The following PRKN variants were observed in gnomAD, a reference collection of about 807,000 sequenced individuals.
PRKN encodes parkin RBR E3 ubiquitin protein ligase.
In PRKN, 56 loss-of-function variants were observed where a neutral mutation model predicts 59.5. The ratio of observed to expected loss-of-function variants is 0.94; its 90% CI spans 0.76 to 1.18. The LOEUF (loss-of-function observed/expected upper bound fraction) is 1.18. Ranked by LOEUF, PRKN falls within the 50% of genes most tolerant of loss-of-function variation. PRKN has a pLI of 0.00. For missense variants in PRKN, 657 were observed against 596.4 expected, an observed-to-expected ratio of 1.10 and a Z score of -1.06; for synonymous variants, 250 against 222.1, an observed-to-expected ratio of 1.13 and a Z score of -1.12.
chr6:161,556,358 A>G (rs1483377675), intron 8 of PRKN, among the ~76,000 whole-genome samples: 3 of 152,344 alleles, frequency 2.0e-5, no homozygotes, highest in African/African-American at 7.2e-5. Context: ...CAAAATTAAC[A>G]TTGTGATATT....
At chr6:162,138,665 A>G (rs924422872) in intron 4 of PRKN, among the ~76,000 whole-genome samples, 3 of 152,214 alleles carry the variant, frequency 2.0e-5, no homozygotes, top group Non-Finnish European at 4.4e-5. Flanking sequence ...AAGTAGAGGG[A>G]AAGAGGATCA....
At position 162,266,764 on chromosome 6, in the gene PRKN, C is replaced by T. The variant is rs367562826; in HGVS notation, c.172-3999G>A. ...AAGGAAATGTAAAGAGCTCAGATCC[C>T]GATCCGCAATGATACATCGTTGGTA... is the stretch of plus-strand genomic sequence containing the variant. On this transcript the variant is annotated intron_variant, in intron 2 of 11. Transcript: ENST00000366898. 7.0e-4 allele frequency among the ~76,000 whole-genome samples: 106 copies of T among 152,184 alleles called. 2 individuals are homozygous for T. In the South Asian group the frequency reaches 0.02, roughly 28 times the overall value.
At chr6:162,047,416 T>C (rs1489228907) in intron 5 of PRKN, among the ~76,000 whole-genome samples, 1 of 152,206 alleles carries the variant, frequency 6.6e-6, no homozygotes, top group Admixed American at 6.5e-5. Flanking sequence ...CACAAGAATA[T>C]GGAGCCCACG....
intron 1 of PRKN, among the ~76,000 whole-genome samples, chr6:162,450,333 CT>C (rs1458701244): frequency 1.5e-4 from 15 of 98,598 alleles, no homozygotes; most frequent in Admixed American, 1.1e-3. Flanking sequence ...GTAAACGCCC[CT>C]GTGATTGTAA....
chr6:162,201,533 G>T (rs149608240), intron 3 of PRKN, among the ~76,000 whole-genome samples: 290 of 152,250 alleles, frequency 1.9e-3, no homozygotes, highest in African/African-American at 6.5e-3. Flanking sequence ...AAGTGTATCT[G>T]CAACACAGTA....
chr6:162,218,621 A>C (rs529255994), intron 3 of PRKN, among the ~76,000 whole-genome samples: 5 of 152,284 alleles, frequency 3.3e-5, no homozygotes, highest in African/African-American at 1.2e-4. Context: ...CCATTCATTA[A>C]AAGATTCATG....
chr6:162,313,613 A>G (rs770699141), intron 2 of PRKN, among the ~76,000 whole-genome samples: 34 of 151,976 alleles, frequency 2.2e-4, no homozygotes, highest in Non-Finnish European at 1.3e-4. Flanking sequence ...TCAGCCTCCC[A>G]AGTAGCTGGG....
At chr6:161,633,997 AAC>A (rs141101298) in intron 7 of PRKN, among the ~76,000 whole-genome samples, 10,068 of 141,974 alleles carry the variant, frequency 0.071, 383 homozygotes, top group African/African-American at 0.11. Flanking sequence ...GGAAAACTTA[AAC>A]ACACACACAC....
chr6:161,682,979 G>A (rs1410158839), intron 7 of PRKN, among the ~76,000 whole-genome samples: 1 of 152,202 alleles, frequency 6.6e-6, no homozygotes, highest in African/African-American at 2.4e-5. Flanking sequence ...AGATACAGGT[G>A]TTTTCTGCCT....
chr6:161,992,155 A>G (rs1171940340), intron 5 of PRKN, among the ~76,000 whole-genome samples: 1 of 152,154 alleles, frequency 6.6e-6, no homozygotes, highest in Non-Finnish European at 1.5e-5. Context: ...CCTGGCCAAC[A>G]TGGTGAAACC....
intron 10 of PRKN, among the ~76,000 whole-genome samples, chr6:161,368,441 G>C (rs2114886671): frequency 7.2e-6 from 1 of 139,626 alleles, no homozygotes; most frequent in South Asian, 2.3e-4. Context: ...TATAGTCCCA[G>C]CTACTCAGGA....
At chr6:162,268,684 CA>C (rs1197858693) in intron 2 of PRKN, among the ~76,000 whole-genome samples, 3 of 152,118 alleles carry the variant, frequency 2.0e-5, no homozygotes, top group African/African-American at 7.2e-5. Context: ...ACGATGGGTT[CA>C]ACAACACCCA....
intron 1 of PRKN, among the ~76,000 whole-genome samples, chr6:162,536,552 C>G (rs955457452): frequency 2.0e-5 from 3 of 152,000 alleles, no homozygotes; most frequent in African/African-American, 4.8e-5. Context: ...CCCTGCTTGT[C>G]TGTAGGGATT....
intron 4 of PRKN, among the ~76,000 whole-genome samples, chr6:162,160,085 G>A (rs1019285583): frequency 2.0e-5 from 3 of 152,144 alleles, no homozygotes; most frequent in Non-Finnish European, 4.4e-5. Context: ...CTCTTTGAAA[G>A]ACATGTTTAG....
chr6:162,318,293 A>G (rs9458520), intron 2 of PRKN, among the ~76,000 whole-genome samples: 56,297 of 151,988 alleles, frequency 0.37, 12,123 homozygotes, highest in Non-Finnish European at 0.49. Flanking sequence ...AAATGCCTAC[A>G]GCAGCAAAAA....
intron 7 of PRKN, among the ~76,000 whole-genome samples, chr6:161,597,516 G>A (rs553371643): frequency 2.2e-4 from 34 of 152,316 alleles, no homozygotes; most frequent in African/African-American, 8.2e-4. Context: ...TTACCCAGGG[G>A]TGACAAAACT....
chr6:161,995,224 A>G (rs1471584694), intron 5 of PRKN, among the ~76,000 whole-genome samples: 1 of 152,168 alleles, frequency 6.6e-6, no homozygotes, highest in East Asian at 1.9e-4. Context: ...GGCAAGATGT[A>G]TACAAGAAGA....
In PRKN at chr6:161,578,708, T is replaced by A. The variant is rs551956417; in HGVS notation, c.872-9292A>T. On this transcript the variant is annotated intron_variant, in intron 7 of 11. Transcript: ENST00000366898. The surrounding 1 kb of genome is among the most constrained non-coding windows in gnomAD (Gnocchi z 4.2). ...GTGTCACTTCCTGCACTAGATCTAA[T>A]CAGCGCTGCTCTGCAATAGATTTTC... Among the ~76,000 whole-genome samples the A allele has an allele frequency of 1.3e-5, 2 of 152,192 alleles. No individual in the cohort carries two copies. Among genetic ancestry groups the A allele is most frequent in the Admixed American group, 1.3e-4 (2 of 15,274 alleles).
intron 6 of PRKN, among the ~76,000 whole-genome samples, chr6:161,943,401 A>G (rs1224748173): frequency 6.6e-6 from 1 of 152,254 alleles, no homozygotes; most frequent in Non-Finnish European, 1.5e-5. Flanking sequence ...AACTTTATCT[A>G]ATTCATTTTT....
Sources: allele counts gnomAD v4.1 joint callset (sites outside exome capture counted in the v4.1 genomes callset), GRCh38; gene constraint gnomAD v4.1.1; non-coding constraint Gnocchi (gnomAD v3.1); transcripts MANE v1.5; gene names NCBI Gene and HGNC (gene_info 2026-07-23, HGNC 2026-07-21).